Variants in PTGER3 observed in about 807,000 individuals in gnomAD.
PTGER3 encodes prostaglandin E2 receptor EP3 subtype.
PTGER3 carries 22 observed loss-of-function variants against 34.7 expected under a neutral mutation model. That is an observed-to-expected ratio of 0.63 (90% CI 0.45 to 0.91). PTGER3 has a LOEUF of 0.91. Among genes scored for constraint, PTGER3 ranks in the 40% least tolerant of loss-of-function variants. The pLI, the probability that PTGER3 is intolerant of heterozygous loss-of-function variation, is 0.00. For synonymous variants in PTGER3, 241 were observed against 230.1 expected (o/e 1.05, Z -0.43); for missense variants, 468 against 519.4 (o/e 0.90, Z 0.96).
rs138965329 is a variant in PTGER3, at chr1:70,853,938, C to G, written c.*24-1079G>C. On this transcript the variant is annotated intron_variant, in intron 4 of 4. Transcript: ENST00000370931. Reference sequence around the variant, plus strand: ...ATATCCACATGCAAAAGAATGAAGTCGGATCCTTACTTTACACAATATACA... The same window carrying G: ...ATATCCACATGCAAAAGAATGAAGTGGGATCCTTACTTTACACAATATACA... Among the ~76,000 whole-genome samples the G allele has an allele frequency of 1.4e-4, 22 of 152,166 alleles. No homozygotes were observed. The East Asian group carries it at 4.1e-3, about 28-fold the overall frequency.
chr1:70,939,595 C>G (rs548416020), intron 4 of PTGER3, among the ~76,000 whole-genome samples: 10 of 152,346 alleles, frequency 6.6e-5, no homozygotes, highest in African/African-American at 2.2e-4. Context: ...GTGGAGGTTC[C>G]CAAACCTCAA....
At chr1:70,902,884 G>A (rs1047597538) in intron 4 of PTGER3, among the ~76,000 whole-genome samples, 2 of 152,192 alleles carry the variant, frequency 1.3e-5, no homozygotes, top group Non-Finnish European at 2.9e-5. Context: ...CATAATACCT[G>A]TAGCGGGTTG....
intron 4 of PTGER3, among the ~76,000 whole-genome samples, chr1:70,872,591 A>ACTTGG (rs1646185686): frequency 2.6e-5 from 4 of 152,230 alleles, no homozygotes; most frequent in African/African-American, 9.6e-5. Context: ...GAAATTAAGT[A>ACTTGG]AGATGACCAA....
At chr1:70,928,216 T>C (rs1648316007) in intron 4 of PTGER3, among the ~76,000 whole-genome samples, 1 of 149,338 alleles carries the variant, frequency 6.7e-6, no homozygotes, top group African/African-American at 2.4e-5. Context: ...TCTACATAAA[T>C]GTGTGTAAGA....
chr1:70,965,889 T>C (rs921937566), downstream of PTGER3, among the ~76,000 whole-genome samples: 5 of 152,198 alleles, frequency 3.3e-5, no homozygotes, highest in Non-Finnish European at 7.3e-5. Flanking sequence ...GTACTTGGAA[T>C]TTTATTTTTT....
intron 1 of PTGER3, among the ~76,000 whole-genome samples, chr1:71,021,491 T>C (rs998978630): frequency 2.6e-5 from 4 of 152,032 alleles, no homozygotes; most frequent in African/African-American, 9.7e-5. Flanking sequence ...ATGGATTAGC[T>C]GGGTGACACA....
intron 2 of PTGER3, among the ~76,000 whole-genome samples, chr1:70,988,654 A>G (rs6424413): frequency 0.057 from 8,683 of 152,286 alleles, 447 homozygotes; most frequent in African/African-American, 0.13. Context: ...ATAACCAGGA[A>G]GTAGCCAGAT....
At chr1:70,942,639 C>T (rs975726476) in intron 4 of PTGER3, among the ~76,000 whole-genome samples, 2 of 152,202 alleles carry the variant, frequency 1.3e-5, no homozygotes, top group South Asian at 2.1e-4. Flanking sequence ...GGATTGTGCA[C>T]AGCGCCCTCA....
intron 4 of PTGER3, among the ~76,000 whole-genome samples, chr1:70,922,920 T>A (rs1180821823): frequency 6.6e-6 from 1 of 152,148 alleles, no homozygotes; most frequent in African/African-American, 2.4e-5. Flanking sequence ...TATTATTCCA[T>A]TTTTTCTGTA....
rs1466266909 is a variant in PTGER3, at chr1:70,859,821, AAG to A, written c.*24-6964_*24-6963del. Among the ~76,000 whole-genome samples, 25 of 152,326 alleles carry A rather than the reference AAG, an allele frequency of 1.6e-4. No individual in the cohort carries two copies. In the East Asian group the frequency reaches 4.8e-3, roughly 29 times the overall value. ...ATCCATGTTGAGGAAGTTGACAAGA[AAG>A]ATGTTTCGTATGGCAGAATCAGGAC... On this transcript the variant is annotated intron_variant, in intron 4 of 4. Coordinates refer to the PTGER3 transcript ENST00000370931.
intron 4 of PTGER3, among the ~76,000 whole-genome samples, chr1:70,859,004 A>G (rs1645870306): frequency 6.6e-6 from 1 of 152,224 alleles, no homozygotes; most frequent in Admixed American, 6.5e-5. Flanking sequence ...CACAGAGTTC[A>G]ATGATCCGCC....
chr1:71,016,755 A>G (rs938060921), intron 1 of PTGER3, among the ~76,000 whole-genome samples: 3 of 152,002 alleles, frequency 2.0e-5, no homozygotes, highest in Non-Finnish European at 4.4e-5. Context: ...GTGAGCCAAG[A>G]TAGCACCACT....
At chr1:71,003,711 T>C (rs973747769) in intron 2 of PTGER3, among the ~76,000 whole-genome samples, 2 of 152,214 alleles carry the variant, frequency 1.3e-5, no homozygotes, top group Non-Finnish European at 2.9e-5. Flanking sequence ...TATGGACATA[T>C]CGTTAGATAG....
At chr1:71,009,530 T>G in intron 2 of PTGER3, 2 of 984,958 alleles carry the variant, frequency 2.0e-6, no homozygotes, top group Non-Finnish European at 2.4e-6. Context: ...TAAACTGCTC[T>G]CATTAAGTAA....
downstream of PTGER3, among the ~76,000 whole-genome samples, chr1:70,970,341 A>C (rs1652948020): frequency 6.6e-6 from 1 of 152,186 alleles, no homozygotes; most frequent in African/African-American, 2.4e-5. Flanking sequence ...GTACTCAATA[A>C]AATTCACTGA....
chr1:71,014,647 T>C (rs1185285851), intron 1 of PTGER3, among the ~76,000 whole-genome samples: 1 of 152,148 alleles, frequency 6.6e-6, no homozygotes, highest in East Asian at 1.9e-4. Context: ...CCTTCAGCCA[T>C]GTGGGGCACA....
chr1:70,979,781 G>C (rs1654078550), intron 2 of PTGER3, among the ~76,000 whole-genome samples: 1 of 152,060 alleles, frequency 6.6e-6, no homozygotes, highest in Non-Finnish European at 1.5e-5. Flanking sequence ...CCTTACAACT[G>C]TCTCCTCAAT....
At chr1:70,949,383 C>T (rs1023410376), downstream of PTGER3, among the ~76,000 whole-genome samples, 18 of 152,042 alleles carry the variant, frequency 1.2e-4, no homozygotes, top group Admixed American at 2.6e-4. Context: ...TTAAAGTGTC[C>T]CATAGCACCA....
At chr1:70,972,361 TA>T (rs1169800117) in intron 3 of PTGER3, among the ~76,000 whole-genome samples, 4 of 152,162 alleles carry the variant, frequency 2.6e-5, no homozygotes, top group African/African-American at 9.7e-5. Flanking sequence ...GTATTCTGTT[TA>T]TTTTTTTAAG....
Sources: allele counts gnomAD v4.1 joint callset (sites outside exome capture counted in the v4.1 genomes callset), GRCh38; gene constraint gnomAD v4.1.1; transcripts MANE v1.5; gene names NCBI Gene and HGNC (gene_info 2026-07-23, HGNC 2026-07-21).